The following RECQL4 variants were observed in gnomAD, a reference collection of about 807,000 sequenced individuals.
RECQL4 encodes the protein RecQ like helicase 4, also known as ATP-dependent DNA helicase Q4.
Under a neutral mutation model 128.6 loss-of-function variants are expected in RECQL4, and 158 were observed. The observed-to-expected ratio is 1.23, with a 90% CI of 1.08 to 1.40. The LOEUF is 1.40. RECQL4 is among the 40% of genes most tolerant of loss of function. RECQL4 has a pLI of 0.00. For synonymous variants in RECQL4, 996 were observed against 678.9 expected (o/e 1.47, Z -7.26); for missense variants, 2,293 against 1,649.8 (o/e 1.39, Z -6.75).
chr8:144,511,441 A>C lies in RECQL4; in HGVS notation c.3617T>G (p.Val1206Gly). 1 of 1,612,380 alleles carries C rather than the reference A, an allele frequency of 6.2e-7. No homozygotes were observed. Among genetic ancestry groups the C allele is most frequent in the Non-Finnish European group, 8.5e-7 (1 of 1,179,648 alleles). Residue 1206 changes from valine to glycine, a missense_variant, in exon 21 of 21, where the codon GTG (valine) becomes GGG (glycine). By Grantham distance (109) the Val-to-Gly change is moderately radical. Transcript: ENST00000617875. ...VGLATEELLQ[V>G]AR ...CCCAATGCAGTGCAGTCAGCGGGCCACCTGCAGGAGCTCTTCCGTGGCCAG... is the reference window on the plus strand; with the variant it reads ...CCCAATGCAGTGCAGTCAGCGGGCCCCCTGCAGGAGCTCTTCCGTGGCCAG...
Position 144,513,567 on chromosome 8 carries a change from G to T in RECQL4, c.2200+4C>A, listed in dbSNP as rs776670526. 3.1e-6 allele frequency: 5 copies of T among 1,610,244 alleles called. No individual in the cohort carries two copies. Among genetic ancestry groups the T allele is most frequent in the Non-Finnish European group, 4.2e-6 (5 of 1,178,856 alleles). On this transcript the variant is annotated splice_donor_region_variant and intron_variant, in intron 13 of 20. Transcript: ENST00000617875. ...CGGGGACACCAGCTCTGTCCATGCC[G>T]CACCTCCAGACCCTGGGACCCAGGC...
chr8:144,516,813 A>T, intron 4 of RECQL4, 49 bp from the exon 5 acceptor site: 2 of 1,494,444 alleles, frequency 1.3e-6, no homozygotes, highest in South Asian at 2.7e-5. Flanking sequence ...CCCCTGAGCT[A>T]CTGTAGACTC....
rs1038564193 is a variant in RECQL4 at position 144,513,525 on chromosome 8, T to C, written c.2201-45A>G. 8 of 1,610,526 alleles carry C rather than the reference T, an allele frequency of 5.0e-6. No homozygotes were observed. In the South Asian group the frequency reaches 8.8e-5, roughly 18 times the overall value. ...ATGGTCAGTGGGATGGGACCATGTG[T>C]GCCCAAGGTGGGTCCACGGGGACAC... On this transcript the variant is annotated intron_variant, in intron 13 of 20. Transcript: ENST00000617875.
In RECQL4 at chr8:144,515,234, C is replaced by G; in HGVS notation, c.1399G>C (p.Ala467Pro). Residue 467 changes from alanine (A) to proline (P), a missense_variant, in exon 8 of 21, where the codon GCT (alanine) becomes CCT (proline). Transcript: ENST00000617875. ...TGCTCCAGGGCCTGGAACACCTCAGCCGGCGTCTCTGCAGACACAGATGTT... is the reference window on the plus strand; with the variant it reads ...TGCTCCAGGGCCTGGAACACCTCAGGCGGCGTCTCTGCAGACACAGATGTT... The part of the protein sequence containing the change: ...GPSGQLAETP[A>P]EVFQALEQLG... 2 of 1,587,124 alleles carry G rather than the reference C, an allele frequency of 1.3e-6. No individual in the cohort carries two copies. Among genetic ancestry groups the G allele is most frequent in the Non-Finnish European group, 1.7e-6 (2 of 1,167,574 alleles).
Position 144,511,291 on chromosome 8 carries a change from AAAC to A in RECQL4, c.*137_*139del. ...CCTCATTGGCCAAGAGGGCCCATAAAAACAAAGTGAGCATTTTTTATTCTGCAT... is the reference window on the plus strand; with the variant it reads ...CCTCATTGGCCAAGAGGGCCCATAAAAAAGTGAGCATTTTTTATTCTGCAT... On this transcript the variant is annotated 3_prime_UTR_variant, in exon 21 of 21. Transcript: ENST00000617875. 1 of 1,539,342 alleles carries A rather than the reference AAAC, an allele frequency of 6.5e-7. No individual in the cohort carries two copies.
chr8:144,515,900 G>A lies in RECQL4; in HGVS notation c.1132-10C>T, dbSNP rs555738992. ...ACTTCTGCTTCCATGCCTGGGGGGT[G>A]CCCACATAGGAGGGTCACTGGGCGG... On this transcript the variant is annotated splice_polypyrimidine_tract_variant and intron_variant, in intron 5 of 20. Coordinates refer to ENST00000617875, the MANE Select transcript of RECQL4 (RefSeq NM_004260.4). 6.8e-6 allele frequency: 11 copies of A among 1,612,758 alleles called. No individual in the cohort carries two copies. Among genetic ancestry groups the A allele is most frequent in the South Asian group, 4.4e-5 (4 of 91,062 alleles).
rs34666647 is a variant in RECQL4 at position 144,512,318 on chromosome 8, C to T, written c.3062G>A (p.Arg1021Gln). 5.1e-3 allele frequency: 8,267 copies of T among 1,612,274 alleles called. 24 individuals are homozygous for T. The highest frequency in any genetic ancestry group is 6.2e-3 in the Non-Finnish European group (7,335 of 1,179,654). Residue 1021 changes from arginine (R) to glutamine (Q), a missense_variant, in exon 18 of 21, where the codon CGG (arginine) becomes CAG (glutamine). Coordinates refer to ENST00000617875, the MANE Select transcript of RECQL4 (RefSeq NM_004260.4). ...QWDHEPRTGV[R>Q]RGTGVLVEFS... ...CTCCACAAGCACCCCTGTCCCACGC[C>T]GCACACCTGCCGGAAAGCATGTCAG... is the stretch of plus-strand genomic sequence containing the variant.
rs1586805351 is a variant in RECQL4 at position 144,513,673 on chromosome 8, G to A, written c.2098C>T (p.Leu700Phe). ...TTGCAGTAAATGATAATGGAATCGA[G>A]GTTTTGAAAACGTTTGCCTTGCAGC... is the stretch of plus-strand genomic sequence containing the variant. ...TLLQGKRFQN[L>F]DSIIIYCNRR... Residue 700 changes from leucine (L) to phenylalanine (F), a missense_variant, in exon 13 of 21, where the codon CTC (leucine) becomes TTC (phenylalanine). Leu to Phe is a conservative substitution (Grantham distance 22, BLOSUM62 0). Coordinates refer to ENST00000617875, the MANE Select transcript of RECQL4 (RefSeq NM_004260.4). The A allele has an allele frequency of 6.4e-7, 1 of 1,557,158 alleles. No homozygotes were observed. Among genetic ancestry groups the A allele is most frequent in the Non-Finnish European group, 8.7e-7 (1 of 1,150,840 alleles).
At chr8:144,515,508 A>C (rs962215613) in intron 6 of RECQL4, 51 bp from the exon 7 acceptor site, 67 of 1,610,792 alleles carry the variant, frequency 4.2e-5, no homozygotes, top group Non-Finnish European at 5.6e-5. Context: ...GGGCAAGACA[A>C]CCACTGGCCA....
Position 144,512,788 on chromosome 8 carries a change from G to A in RECQL4, c.2756-17C>T, listed in dbSNP as rs531236566. 6 of 1,611,288 alleles carry A rather than the reference G, an allele frequency of 3.7e-6. No individual in the cohort carries two copies. Among genetic ancestry groups the A allele is most frequent in the Non-Finnish European group, 5.1e-6 (6 of 1,179,600 alleles). ...TCTCGATGGCTGGGGGCAGAGCAGG[G>A]CTCAGCGGACGCGGGGACAGCCCCT... On this transcript the variant is annotated splice_polypyrimidine_tract_variant and intron_variant, in intron 15 of 20. Coordinates refer to ENST00000617875, the MANE Select transcript of RECQL4 (RefSeq NM_004260.4).
chr8:144,516,280 C>T lies in RECQL4; in HGVS notation c.839G>A (p.Ser280Asn), dbSNP rs1452098347. The T allele has an allele frequency of 1.9e-6, 3 of 1,611,198 alleles. No homozygotes were observed. The Admixed American group carries it at 5.0e-5, about 27-fold the overall frequency. Reference protein sequence around the residue: ...ESPAQVQQESSQAGPPSEGAG... With the variant: ...ESPAQVQQESNQAGPPSEGAG... ...CCCCTCCGATGGGGGTCCAGCTTGG[C>T]TGCTCTCCTGCTGGACCTGTGCGGG... is the stretch of plus-strand genomic sequence containing the variant. Residue 280 changes from serine to asparagine, a missense_variant, in exon 5 of 21, where the codon AGC becomes AAC. Physicochemically the swap from Ser to Asn is conservative, Grantham distance 46. Transcript: ENST00000617875.
chr8:144,515,500 GCAAGACAAC>G (rs750590874), intron 6 of RECQL4, 43 bp from the exon 7 acceptor site: 1 of 1,611,794 alleles, frequency 6.2e-7, no homozygotes, highest in East Asian at 2.2e-5. Flanking sequence ...TCCAGGTCGG[GCAAGACAAC>G]CACTGGCCAC....
chr8:144,517,072 G>A lies in RECQL4; in HGVS notation c.332C>T (p.Ala111Val). The A allele has an allele frequency of 6.2e-7, 1 of 1,612,050 alleles. No individual in the cohort carries two copies. The highest frequency in any genetic ancestry group is 1.1e-5 in the South Asian group (1 of 91,052). ...CACCTGCAGGGTGCCTTTCAGATTG[G>A]CCTTGAGCCGCTGCCCGTAGTCCGG... Reference protein sequence around the residue: ...SVPDYGQRLKANLKGTLQAGP... With the variant: ...SVPDYGQRLKVNLKGTLQAGP... Residue 111 changes from alanine (A) to valine (V), a missense_variant, in exon 4 of 21, where the codon GCC (alanine) becomes GTC (valine). Ala to Val is a moderately conservative substitution (Grantham distance 64). Transcript: ENST00000617875.
chr8:144,515,482 A>G (rs759796372), intron 6 of RECQL4, 25 bp from the exon 7 acceptor site: 1 of 1,612,386 alleles, frequency 6.2e-7, no homozygotes, highest in South Asian at 1.1e-5. Flanking sequence ...AGAGGGTAGA[A>G]TGGGAGCTCC....
rs561220929 is a variant in RECQL4, at chr8:144,512,711, G to A, written c.2816C>T (p.Ala939Val). ...LHPHHWLELL[A>V]TTYTHCRLNC... is the part of the protein sequence containing the mutation. ...CAGACGGCAATGGGTATAGGTGGTC[G>A]CCAGCAGCTCCAGCCAGTGGTGTGG... Residue 939 changes from alanine (A) to valine (V), a missense_variant, in exon 16 of 21, where the codon GCG (alanine) becomes GTG (valine). By Grantham distance (64) the Ala-to-Val change is moderately conservative. Coordinates refer to ENST00000617875, the MANE Select transcript of RECQL4 (RefSeq NM_004260.4). The A allele has an allele frequency of 2.4e-5, 38 of 1,611,996 alleles. No individual in the cohort carries two copies. In the Middle Eastern group the frequency reaches 5.0e-4, roughly 21 times the overall value.
intron 20 of RECQL4, 41 bp downstream of exon 20, chr8:144,511,640 C>G (rs762463899): frequency 6.2e-7 from 1 of 1,608,142 alleles, no homozygotes. Flanking sequence ...GCCCCAGCCC[C>G]CAGCCCCAGC....
At position 144,512,325 on chromosome 8, in the gene RECQL4, C is replaced by A; in HGVS notation, c.3056-1G>T. The A allele has an allele frequency of 1.9e-6, 3 of 1,612,162 alleles. No homozygotes were observed. Among genetic ancestry groups the A allele is most frequent in the Non-Finnish European group, 2.5e-6 (3 of 1,179,564 alleles). ...AGCACCCCTGTCCCACGCCGCACAC[C>A]TGCCGGAAAGCATGTCAGATGCAGG... On this transcript the variant is annotated splice_acceptor_variant, in intron 17 of 20. Coordinates refer to ENST00000617875, the MANE Select transcript of RECQL4 (RefSeq NM_004260.4). LOFTEE classifies it high-confidence loss of function.
In RECQL4 at chr8:144,515,968, C is replaced by T. The variant is rs1174722831; in HGVS notation, c.1131+20G>A. On this transcript the variant is annotated intron_variant, in intron 5 of 20. Coordinates refer to ENST00000617875, the MANE Select transcript of RECQL4 (RefSeq NM_004260.4). ...AGGGGAGGGAAAGGGAATGCCTGTCCTGGCCCGTCGCTGTCTTACCTGCTT... is the reference window on the plus strand; with the variant it reads ...AGGGGAGGGAAAGGGAATGCCTGTCTTGGCCCGTCGCTGTCTTACCTGCTT... The T allele has an allele frequency of 1.9e-6, 3 of 1,611,060 alleles. No individual in the cohort carries two copies. The highest frequency in any genetic ancestry group is 1.3e-5 in the African/African-American group (1 of 75,058).
At position 144,513,092 on chromosome 8, in the gene RECQL4, G is replaced by A. The variant is rs149067160; in HGVS notation, c.2510C>T (p.Thr837Met). The change falls in exon 15 of 21, where the codon ACG becomes ATG. Residue 837 changes from threonine (T) to methionine (M), a missense_variant. Thr to Met is a moderately conservative substitution (Grantham distance 81). Transcript: ENST00000617875. ...ELRRHVHADS[T>M]DFLAVKRLVQ... ...CAGCCTCTTCACAGCCAGGAAGTCCGTGCTGTCGGCGTGCACATGTCTGCG... is the reference window on the plus strand; with the variant it reads ...CAGCCTCTTCACAGCCAGGAAGTCCATGCTGTCGGCGTGCACATGTCTGCG... 19 of 1,575,160 alleles carry A rather than the reference G, an allele frequency of 1.2e-5. No homozygotes were observed. Among genetic ancestry groups the A allele is most frequent in the Middle Eastern group, 1.7e-4 (1 of 5,928 alleles).
Sources: gnomAD v4.1 joint callset for allele counts on GRCh38, gnomAD v4.1.1 for gene constraint, MANE v1.5 for transcripts, NCBI Gene and HGNC (gene_info 2026-07-23, HGNC 2026-07-21) for gene names.